The following PCDHAC1 variants were observed in gnomAD, a reference collection of about 807,000 sequenced individuals.
PCDHAC1 encodes the protein protocadherin alpha-C1.
In PCDHAC1, 42 loss-of-function variants were observed where a neutral mutation model predicts 60.0. The ratio of observed to expected loss-of-function variants is 0.70; its 90% CI spans 0.55 to 0.90. PCDHAC1 has a LOEUF of 0.90. PCDHAC1 is among the 40% of genes least tolerant of loss of function. The pLI is 0.00. For missense variants in PCDHAC1, 1,160 were observed against 1,222.3 expected (o/e 0.95, Z 0.76); for synonymous variants, 468 against 499.3 (o/e 0.94, Z 0.84).
chr5:140,984,666 G>T (rs769681431), intron 3 of PCDHAC1, among the ~76,000 whole-genome samples: 115 of 152,058 alleles, frequency 7.6e-4, no homozygotes, highest in Admixed American at 1.2e-3. Flanking sequence ...GTACTTTTAG[G>T]TTTTTAGGAC....
rs150770754 is a variant in PCDHAC1 at position 140,927,212 on chromosome 5, T to C, written c.320T>C (p.Leu107Pro). The change falls in exon 1 of 4, where the codon CTG becomes CCG. Residue 107 changes from leucine (L) to proline (P), a missense_variant. By Grantham distance (98) the Leu-to-Pro change is moderately conservative. This residue lies in a region of PCDHAC1 where 1,113 missense variants were observed against 1,163.7 expected (regional missense o/e 0.96). Coordinates refer to ENST00000253807, the MANE Select transcript of PCDHAC1 (RefSeq NM_018898.5). ...CTGGTGCTCGAGGACCCGCTGGAGC[T>C]GCACAAGATTCGGATTCACGTCCTG... ...YDLVLEDPLELHKIRIHVLDT... is the reference protein window; with the variant it reads ...YDLVLEDPLEPHKIRIHVLDT... 20 of 1,614,012 alleles carry C rather than the reference T, an allele frequency of 1.2e-5. No individual in the cohort carries two copies. The highest frequency in any genetic ancestry group is 1.1e-4 in the African/African-American group (8 of 74,938).
intron 3 of PCDHAC1, among the ~76,000 whole-genome samples, chr5:140,992,354 A>C (rs996986066): frequency 1.3e-5 from 2 of 152,184 alleles, no homozygotes; most frequent in Non-Finnish European, 2.9e-5. Context: ...TGGAGAGAGG[A>C]GAAAAATGGT....
At chr5:140,968,187 A>G in intron 1 of PCDHAC1, 3 of 1,614,064 alleles carry the variant, frequency 1.9e-6, no homozygotes, top group Non-Finnish European at 2.5e-6. Context: ...GAGGACTCCT[A>G]TTCCATCTAC....
intron 1 of PCDHAC1, among the ~76,000 whole-genome samples, chr5:140,960,278 T>A (rs2095536864): frequency 6.6e-6 from 1 of 152,192 alleles, no homozygotes. Context: ...CGTCACCTTT[T>A]TGGGACCCAG....
chr5:140,974,945 A>G (rs2096646889), intron 1 of PCDHAC1, among the ~76,000 whole-genome samples: 1 of 152,180 alleles, frequency 6.6e-6, no homozygotes, highest in African/African-American at 2.4e-5. Flanking sequence ...CCTATTTGTT[A>G]TCTCACAGTC....
chr5:140,986,737 G>A (rs1183806071), intron 3 of PCDHAC1, among the ~76,000 whole-genome samples: 1 of 152,192 alleles, frequency 6.6e-6, no homozygotes, highest in African/African-American at 2.4e-5. Flanking sequence ...CAAGACCCCA[G>A]GGGATCTGGG....
chr5:140,971,161 C>T (rs189213416), intron 1 of PCDHAC1, among the ~76,000 whole-genome samples: 1 of 152,292 alleles, frequency 6.6e-6, no homozygotes, highest in Non-Finnish European at 1.5e-5. Flanking sequence ...CCAGGCTCAG[C>T]TTTGCCACCA....
In PCDHAC1 at chr5:140,941,764, A is replaced by G. The variant is rs116374830; in HGVS notation, c.2433+12439A>G. 5.7e-3 allele frequency among the ~76,000 whole-genome samples: 869 copies of G among 152,306 alleles called. 7 individuals are homozygous for G. Among genetic ancestry groups the G allele is most frequent in the African/African-American group, 0.018 (768 of 41,560 alleles). ...TTATCAGATTTTCAGTGCTTTTAAG[A>G]TAATTGTTTTAATGTTTTACCCAAG... On this transcript the variant is annotated intron_variant, in intron 1 of 3. Coordinates refer to ENST00000253807, the MANE Select transcript of PCDHAC1 (RefSeq NM_018898.5).
chr5:140,995,286 C>T (rs571122259), intron 3 of PCDHAC1, among the ~76,000 whole-genome samples: 18 of 152,182 alleles, frequency 1.2e-4, no homozygotes, highest in African/African-American at 3.4e-4. Context: ...CCAAAACAGC[C>T]AGTCGGATAC....
chr5:140,992,590 T>C (rs536991072), intron 3 of PCDHAC1, among the ~76,000 whole-genome samples: 1 of 152,300 alleles, frequency 6.6e-6, no homozygotes, highest in East Asian at 1.9e-4. Flanking sequence ...TGTATGCATC[T>C]AGCGTCTGTG....
chr5:140,950,473 G>T (rs2094486830), intron 1 of PCDHAC1, among the ~76,000 whole-genome samples: 1 of 152,010 alleles, frequency 6.6e-6, no homozygotes, highest in African/African-American at 2.4e-5. Context: ...CATAGTTTCT[G>T]ATGAGAAGTG....
chr5:140,970,967 G>C (rs2096448125), intron 1 of PCDHAC1, among the ~76,000 whole-genome samples: 2 of 152,206 alleles, frequency 1.3e-5, no homozygotes, highest in Non-Finnish European at 2.9e-5. Context: ...GCAGATTGTA[G>C]ATTAAGAAAA....
chr5:140,964,251 T>A (rs2095820730), intron 1 of PCDHAC1, among the ~76,000 whole-genome samples: 2 of 152,330 alleles, frequency 1.3e-5, no homozygotes, highest in Non-Finnish European at 1.5e-5. Flanking sequence ...TGGCTTTATA[T>A]TTGACTCCTT....
At chr5:140,973,984 C>CT (rs2096610197) in intron 1 of PCDHAC1, among the ~76,000 whole-genome samples, 1 of 152,186 alleles carries the variant, frequency 6.6e-6, no homozygotes, top group East Asian at 1.9e-4. Flanking sequence ...TTTTACAGAA[C>CT]TTCACCTGGA....
rs1039422866 is a variant in PCDHAC1 at position 140,928,669 on chromosome 5, A to G, written c.1777A>G (p.Asn593Asp). 6 of 1,614,042 alleles carry G rather than the reference A, an allele frequency of 3.7e-6. No homozygotes were observed. The African/African-American group carries it at 6.7e-5, about 18-fold the overall frequency. Residue 593 changes from asparagine to aspartate, a missense_variant, in exon 1 of 4, where the codon AAT (asparagine) becomes GAT (aspartate). Transcript: ENST00000253807. ...AGCAGAGGATGCTGACAGTGGTTCT[A>G]ATGCCTGGCTTTCCTACCACATCTC... Reference protein sequence around the residue: ...VVAEDADSGSNAWLSYHISRA... With the variant: ...VVAEDADSGSDAWLSYHISRA...
Position 141,009,839 on chromosome 5 carries a change from A to G in PCDHAC1, c.2794A>G (p.Lys932Glu), listed in dbSNP as rs2098414795. 6.2e-7 allele frequency: 1 copy of G among 1,614,164 alleles called. No individual in the cohort carries two copies. Residue 932 changes from lysine (K) to glutamate (E), a missense_variant, in exon 4 of 4, where the codon AAG becomes GAG. Around this residue, in one of 3 missense-constraint regions of PCDHAC1, gnomAD observed 1,113 missense variants for 1,163.7 expected, o/e 0.96. Coordinates refer to ENST00000253807, the MANE Select transcript of PCDHAC1 (RefSeq NM_018898.5). The part of the protein sequence containing the change: ...DKSDFITFGK[K>E]EETKKKKKKK... ...AAGTGACTTCATAACCTTCGGCAAA[A>G]AGGAGGAGACCAAGAAAAAGAAGAA...
chr5:141,009,634 G>A lies in PCDHAC1; in HGVS notation c.2589G>A (p.Glu863=). The change falls in exon 4 of 4, where the codon GAG becomes GAA. Residue 863 remains glutamate (E), a synonymous_variant. Transcript: ENST00000253807. Reference sequence around the variant, plus strand: ...TAATGTTTTGTCTTTCAGAACCAGAGGCAGGAGAAGTGTCCCCTCCAGTCG... The same window carrying A: ...TAATGTTTTGTCTTTCAGAACCAGAAGCAGGAGAAGTGTCCCCTCCAGTCG... The part of the protein sequence containing the change: ...PTVSSATPEP[E]AGEVSPPVGA... The A allele has an allele frequency of 6.2e-7, 1 of 1,613,116 alleles. No individual in the cohort carries two copies. The highest frequency in any genetic ancestry group is 8.5e-7 in the Non-Finnish European group (1 of 1,179,406).
intron 1 of PCDHAC1, chr5:140,968,853 A>G (rs782470050): frequency 3.7e-6 from 6 of 1,614,108 alleles, no homozygotes; most frequent in Non-Finnish European, 4.2e-6. Context: ...AGGCATGTTA[A>G]GAGCCCTCGG....
Position 141,007,689 on chromosome 5 carries a change from A to G in PCDHAC1, c.2582-1938A>G, listed in dbSNP as rs545850175. Among the ~76,000 whole-genome samples the G allele has an allele frequency of 3.5e-4, 53 of 152,196 alleles. 1 individual carries two copies. Among genetic ancestry groups the G allele is most frequent in the African/African-American group, 1.3e-3 (52 of 41,536 alleles). On this transcript the variant is annotated intron_variant, in intron 3 of 3. Coordinates refer to ENST00000253807, the MANE Select transcript of PCDHAC1 (RefSeq NM_018898.5). ...CAAAGACAAAAGTTATCCTACTTCC[A>G]CCTCCCTCCTCTGCCTCCCACCACC...
Sources: allele counts gnomAD v4.1 joint callset (sites outside exome capture counted in the v4.1 genomes callset), GRCh38; gene constraint gnomAD v4.1.1; regional missense constraint gnomAD v4.1.1; transcripts MANE v1.5; gene names NCBI Gene and HGNC (gene_info 2026-07-23, HGNC 2026-07-21).